FBXL17: variants seen among roughly 807,000 people sequenced by gnomAD.
The protein encoded by FBXL17 is F-box and leucine rich repeat protein 17, also known as F-box/LRR-repeat protein 17.
A neutral mutation model predicts 66.2 loss-of-function variants in FBXL17; 22 were observed. The ratio of observed to expected loss-of-function variants is 0.33; its 90% CI spans 0.24 to 0.47. The LOEUF is 0.47. FBXL17 is among the 20% of genes least tolerant of loss of function. The pLI is 1.00. For synonymous variants in FBXL17, 474 were observed against 400.5 expected (o/e 1.18, Z -2.19); for missense variants, 878 against 948.2 (o/e 0.93, Z 0.97).
At chr5:107,946,269 A>ATATG (rs1436119137) in intron 7 of FBXL17, among the ~76,000 whole-genome samples, 1 of 40,186 alleles carries the variant, frequency 2.5e-5, no homozygotes, top group Non-Finnish European at 4.9e-5. Flanking sequence ...ATATATATAT[A>ATATG]TATATATATA....
At chr5:108,012,913 G>A (rs2112743861) in intron 7 of FBXL17, among the ~76,000 whole-genome samples, 1 of 151,694 alleles carries the variant, frequency 6.6e-6, no homozygotes, top group South Asian at 2.1e-4. Context: ...TACTAGGGAG[G>A]CTGAAGCAGG....
chr5:108,282,034 A>T (rs1757721717), intron 4 of FBXL17, among the ~76,000 whole-genome samples: 1 of 151,698 alleles, frequency 6.6e-6, no homozygotes, highest in Non-Finnish European at 1.5e-5. Context: ...TTAATAATAA[A>T]AAACTCCCCA....
intron 4 of FBXL17, among the ~76,000 whole-genome samples, chr5:108,265,149 A>T (rs1304642868): frequency 1.3e-5 from 2 of 152,058 alleles, no homozygotes; most frequent in Non-Finnish European, 2.9e-5. Context: ...GACACTGATT[A>T]TTTCATTGTC....
At chr5:108,144,963 A>G (rs1751499877) in intron 6 of FBXL17, among the ~76,000 whole-genome samples, 1 of 152,192 alleles carries the variant, frequency 6.6e-6, no homozygotes, top group African/African-American at 2.4e-5. Flanking sequence ...GTGATAGAGA[A>G]GCATAATAAC....
At chr5:108,020,894 G>C (rs1260386856) in intron 7 of FBXL17, 31 bp downstream of exon 7, 1 of 1,462,050 alleles carries the variant, frequency 6.8e-7, no homozygotes, top group East Asian at 2.3e-5. Context: ...TTTATTCTTA[G>C]AAAGGATTAG....
At chr5:108,191,953 C>T (rs1753486037) in intron 5 of FBXL17, among the ~76,000 whole-genome samples, 1 of 152,162 alleles carries the variant, frequency 6.6e-6, no homozygotes, top group Non-Finnish European at 1.5e-5. Flanking sequence ...TCCCTATAAC[C>T]ACTTTGGCCA....
At chr5:108,127,889 A>G (rs181510885) in intron 6 of FBXL17, among the ~76,000 whole-genome samples, 1 of 152,336 alleles carries the variant, frequency 6.6e-6, no homozygotes, top group East Asian at 1.9e-4. Flanking sequence ...GGATTTTCAA[A>G]TCAGAGTTGT....
chr5:108,010,977 G>A (rs1246318992), intron 7 of FBXL17, among the ~76,000 whole-genome samples: 1 of 152,208 alleles, frequency 6.6e-6, no homozygotes, highest in East Asian at 1.9e-4. Context: ...CCAGCTAGGA[G>A]ATGAAAAGGG....
In FBXL17 at chr5:108,131,999, G is replaced by A. The variant is rs529996548; in HGVS notation, c.1745+54118C>T. On this transcript the variant is annotated intron_variant, in intron 6 of 8. Transcript: ENST00000542267. The stretch of plus-strand genomic sequence containing the variant: ...AAGTCCTTTTTTTTTTTTTTTAGGC[G>A]GAGTTTCACTCTTGTTGCCCAGGCT... 5.5e-4 allele frequency among the ~76,000 whole-genome samples: 81 copies of A among 148,566 alleles called. 1 individual carries two copies. In the East Asian group the frequency reaches 6.9e-3, roughly 13 times the overall value.
intron 6 of FBXL17, among the ~76,000 whole-genome samples, chr5:108,045,505 T>A (rs1198474912): frequency 2.0e-5 from 3 of 152,178 alleles, no homozygotes; most frequent in Non-Finnish European, 4.4e-5. Flanking sequence ...GGCTTTACAC[T>A]GCTCTTCTTT....
At chr5:108,236,090 A>G (rs570451036) in intron 4 of FBXL17, among the ~76,000 whole-genome samples, 93 of 152,358 alleles carry the variant, frequency 6.1e-4, no homozygotes, top group Middle Eastern at 3.4e-3. Flanking sequence ...ACATGCCTGT[A>G]GTCCCAGCTA....
rs192638178 is a variant in FBXL17 at position 108,110,449 on chromosome 5, C to T, written c.1745+75668G>A. Among the ~76,000 whole-genome samples the T allele has an allele frequency of 2.9e-3, 446 of 152,176 alleles. 2 individuals carry two copies. The highest frequency in any genetic ancestry group is 7.9e-3 in the Admixed American group (121 of 15,286). On this transcript the variant is annotated intron_variant, in intron 6 of 8. Transcript: ENST00000542267. ...AAAACAAAAAACCTATGAATTAATG[C>T]ATGTATTCATAAAGAAAATTGTCAC...
At chr5:107,913,350 GA>G (rs750757519) in intron 7 of FBXL17, among the ~76,000 whole-genome samples, 1 of 152,152 alleles carries the variant, frequency 6.6e-6, no homozygotes, top group Non-Finnish European at 1.5e-5. Flanking sequence ...TCAAGTCTTG[GA>G]GTAGGGCAGA....
intron 7 of FBXL17, among the ~76,000 whole-genome samples, chr5:107,952,109 A>G (rs1751516123): frequency 4.8e-5 from 1 of 20,876 alleles, no homozygotes; most frequent in Non-Finnish European, 1.1e-4. Flanking sequence ...AAACACAAGC[A>G]TTAAAAAAAA....
intron 4 of FBXL17, among the ~76,000 whole-genome samples, chr5:108,263,664 T>G (rs765237953): frequency 9.2e-5 from 14 of 152,184 alleles, no homozygotes; most frequent in Non-Finnish European, 1.5e-4. Flanking sequence ...GTTGCAGACA[T>G]CTTAAAAAAG....
At chr5:108,072,847 C>T (rs554841039) in intron 6 of FBXL17, among the ~76,000 whole-genome samples, 3 of 152,130 alleles carry the variant, frequency 2.0e-5, no homozygotes, top group Non-Finnish European at 4.4e-5. Flanking sequence ...ATACATTTAC[C>T]TTCTCTGATA....
rs145248526 is a variant in FBXL17, at chr5:107,926,277, G to A, written c.1823-45098C>T. Among the ~76,000 whole-genome samples the A allele has an allele frequency of 2.9e-3, 443 of 152,236 alleles. 4 individuals are homozygous for A. Among genetic ancestry groups the A allele is most frequent in the Middle Eastern group, 0.01 (3 of 294 alleles). On this transcript the variant is annotated intron_variant, in intron 7 of 8. Transcript: ENST00000542267. ...TGGGAGAGCTGACTCCAGAGCTGAA[G>A]GTCTTAACCCTATACTATTCTCAAT...
chr5:108,344,839 A>T (rs1474383021), intron 4 of FBXL17, among the ~76,000 whole-genome samples: 2 of 152,212 alleles, frequency 1.3e-5, no homozygotes, highest in African/African-American at 2.4e-5. Flanking sequence ...GCACTATACA[A>T]AAGTGATATA....
intron 4 of FBXL17, among the ~76,000 whole-genome samples, chr5:108,251,793 T>C (rs1756365879): frequency 6.6e-6 from 1 of 152,156 alleles, no homozygotes; most frequent in African/African-American, 2.4e-5. Context: ...TATAAGTTTT[T>C]ATTCTTTATA....
Sources: allele counts gnomAD v4.1 joint callset (sites outside exome capture counted in the v4.1 genomes callset), GRCh38; gene constraint gnomAD v4.1.1; transcripts MANE v1.5; gene names NCBI Gene and HGNC (gene_info 2026-07-23, HGNC 2026-07-21).